Variants in MYO1F observed in about 807,000 individuals in gnomAD.
The protein encoded by MYO1F is myosin IF, also known as unconventional myosin-If.
In MYO1F, 60 loss-of-function variants were observed where a neutral mutation model predicts 146.6. That is an observed-to-expected ratio of 0.41 (90% CI 0.33 to 0.51). The LOEUF (loss-of-function observed/expected upper bound fraction) is 0.51, where lower values mean the gene tolerates loss of function less well. Ranked by LOEUF, MYO1F falls within the 20% of genes least tolerant of loss-of-function variation. The pLI, the probability that MYO1F is intolerant of heterozygous loss-of-function variation, is 0.25. For synonymous variants in MYO1F, 602 were observed against 602.1 expected (o/e 1.00, Z 0.00); for missense variants, 1,274 against 1,534.3 (o/e 0.83, Z 2.83).
intron 19 of MYO1F, among the ~76,000 whole-genome samples, chr19:8,534,867 C>T (rs1311772553): frequency 6.6e-6 from 1 of 151,366 alleles, no homozygotes; most frequent in African/African-American, 2.4e-5. Flanking sequence ...CCTCGTGATC[C>T]ACTCGCCTCG....
At chr19:8,545,367 G>T in intron 13 of MYO1F, 1 of 416,496 alleles carries the variant, frequency 2.4e-6, no homozygotes, top group Non-Finnish European at 4.6e-6. Context: ...GGGATTACAG[G>T]CGTGAGCCAC....
rs757436755 is a variant in MYO1F, at chr19:8,536,271, A to G, written c.2024T>C (p.Phe675Ser). The G allele has an allele frequency of 6.2e-7, 1 of 1,606,334 alleles. No homozygotes were observed. The highest frequency in any genetic ancestry group is 2.2e-5 in the East Asian group (1 of 44,810). Residue 675 changes from phenylalanine to serine, a missense_variant, in exon 19 of 28, where the codon TTT becomes TCT. By Grantham distance (155) the Phe-to-Ser change is radical (BLOSUM62 -2). Coordinates refer to ENST00000644032, the MANE Select transcript of MYO1F (RefSeq NM_012335.4). Reference protein sequence around the residue: ...DQYQMGSTKVFVKNPESLFLL... With the variant: ...DQYQMGSTKVSVKNPESLFLL... ...ACTCACCGACTCTGGGTTCTTGACA[A>G]AGACCTTGGTGCTCCCCATCTGGTA...
At position 8,522,780 on chromosome 19, in the gene MYO1F, G is replaced by A; in HGVS notation, c.2904C>T (p.Pro968=). 6.2e-7 allele frequency: 1 copy of A among 1,603,996 alleles called. No homozygotes were observed. Among genetic ancestry groups the A allele is most frequent in the Non-Finnish European group, 8.5e-7 (1 of 1,176,836 alleles). The change falls in exon 26 of 28, where the codon CCC becomes CCT. Residue 968 remains proline (P), a synonymous_variant. Coordinates refer to ENST00000644032, the MANE Select transcript of MYO1F (RefSeq NM_012335.4). ...VPPSARGGPL[P]LEIMSGGGTH... ...TGCCCCCTCCAGACATGATCTCCAG[G>A]GGCAGGGGGCCCCCTCTGGCAGAGG...
At position 8,539,996 on chromosome 19, in the gene MYO1F, A is replaced by C; in HGVS notation, c.1643T>G (p.Leu548Arg). 1 of 1,611,856 alleles carries C rather than the reference A, an allele frequency of 6.2e-7. No individual in the cohort carries two copies. The highest frequency in any genetic ancestry group is 8.5e-7 in the Non-Finnish European group (1 of 1,178,766). The change falls in exon 16 of 28, where the codon CTG becomes CGG. Residue 548 changes from leucine to arginine, a missense_variant. This residue lies in a region of MYO1F where 900 missense variants were observed against 1,155.1 expected (regional missense o/e 0.78). Transcript: ENST00000644032. ...AFLRMLFPEK[L>R]DGDKKGRPST... Reference sequence around the variant, plus strand: ...GGGGCGCCCCTTCTTGTCTCCATCCAGCTTCTCGGGGAAGAGCATCCGGAG... The same window carrying C: ...GGGGCGCCCCTTCTTGTCTCCATCCCGCTTCTCGGGGAAGAGCATCCGGAG...
chr19:8,555,749 G>A lies in MYO1F; in HGVS notation c.51C>T (p.Ser17=), dbSNP rs777677983. 13 of 1,613,924 alleles carry A rather than the reference G, an allele frequency of 8.1e-6. No individual in the cohort carries two copies. Among genetic ancestry groups the A allele is most frequent in the East Asian group, 2.2e-5 (1 of 44,888 alleles). ...GAAGAAGCACCATGTCATCCACGCCGCTCTGCTTCACGTTGTGGCTCTGCC... is the reference window on the plus strand; with the variant it reads ...GAAGAAGCACCATGTCATCCACGCCACTCTGCTTCACGTTGTGGCTCTGCC... ...FHWQSHNVKQ[S]GVDDMVLLPQ... Residue 17 remains serine, a synonymous_variant, in exon 2 of 28, where the codon AGC becomes AGT. Transcript: ENST00000644032.
Position 8,547,989 on chromosome 19 carries a change from C to G in MYO1F, c.1269+47G>C. On this transcript the variant is annotated intron_variant, in intron 12 of 27. Coordinates refer to ENST00000644032, the MANE Select transcript of MYO1F (RefSeq NM_012335.4). The stretch of plus-strand genomic sequence containing the variant: ...AAGGGATCCTCATGGTCCTTCCACC[C>G]CACCCCCACCCCAGGATCCCCCATC... 2 of 1,104,308 alleles carry G rather than the reference C, an allele frequency of 1.8e-6. 1 individual carries two copies. Among genetic ancestry groups the G allele is most frequent in the Non-Finnish European group, 2.8e-6 (2 of 722,590 alleles). The allele number at this position is 1,104,308 out of a possible 1,614,324, so 68.4% of individuals were successfully genotyped here.
At chr19:8,526,965 G>A (rs1416028902) in intron 22 of MYO1F, 30 bp from the exon 23 acceptor site, 1 of 1,611,984 alleles carries the variant, frequency 6.2e-7, no homozygotes, top group East Asian at 2.2e-5. Flanking sequence ...AGCGTCAGGT[G>A]GGACACAGGT....
chr19:8,571,788 G>A (rs1385914824), intron 1 of MYO1F, among the ~76,000 whole-genome samples: 4 of 151,964 alleles, frequency 2.6e-5, no homozygotes, highest in South Asian at 2.1e-4. Context: ...TAGTAGAGAC[G>A]GGGTTTCACC....
At chr19:8,554,416 T>C (rs2145925348) in intron 4 of MYO1F, 61 bp downstream of exon 4, 3 of 1,387,182 alleles carry the variant, frequency 2.2e-6, no homozygotes, top group Middle Eastern at 2.4e-4. Context: ...TCCCTGGGGG[T>C]GGTGATGTTT....
At chr19:8,558,175 T>C (rs952762035) in intron 1 of MYO1F, among the ~76,000 whole-genome samples, 13 of 151,554 alleles carry the variant, frequency 8.6e-5, no homozygotes, top group African/African-American at 2.9e-4. Context: ...TTTTCTTTTT[T>C]TCTTTTGAGT....
chr19:8,563,155 C>T (rs888354592), intron 1 of MYO1F, among the ~76,000 whole-genome samples: 1 of 151,798 alleles, frequency 6.6e-6, no homozygotes, highest in Non-Finnish European at 1.5e-5. Context: ...CCATGCCTGG[C>T]TAATTTTTTG....
At chr19:8,531,984 G>A (rs1400352590) in intron 19 of MYO1F, among the ~76,000 whole-genome samples, 1 of 152,088 alleles carries the variant, frequency 6.6e-6, no homozygotes, top group Non-Finnish European at 1.5e-5. Flanking sequence ...CGGGTGTGGT[G>A]GCGCATGCCT....
At chr19:8,553,717 C>G (rs922132536) in intron 4 of MYO1F, among the ~76,000 whole-genome samples, 2 of 151,892 alleles carry the variant, frequency 1.3e-5, no homozygotes, top group Non-Finnish European at 2.9e-5. Context: ...TACTAAAATA[C>G]AAAAATTAGC....
chr19:8,556,399 C>T (rs1222966899), intron 1 of MYO1F, among the ~76,000 whole-genome samples: 1 of 147,284 alleles, frequency 6.8e-6, no homozygotes, highest in Admixed American at 6.8e-5. Flanking sequence ...CCCAGCACTT[C>T]GGGAGGTTGA....
At chr19:8,545,574 G>A in intron 13 of MYO1F, 76 bp downstream of exon 13, 1 of 1,226,776 alleles carries the variant, frequency 8.2e-7, no homozygotes, top group Non-Finnish European at 1.2e-6. Context: ...TAACACCCTT[G>A]GCCCTCCCCC....
chr19:8,542,487 G>C (rs1364589988), intron 14 of MYO1F, among the ~76,000 whole-genome samples: 2 of 151,890 alleles, frequency 1.3e-5, no homozygotes, highest in Non-Finnish European at 2.9e-5. Flanking sequence ...TTTCAGCCAG[G>C]GTTGGGGGCT....
intron 12 of MYO1F, among the ~76,000 whole-genome samples, chr19:8,547,299 T>G (rs985663115): frequency 3.3e-5 from 1 of 30,178 alleles, no homozygotes; most frequent in Non-Finnish European, 6.1e-5. Context: ...AGTTCCTGTC[T>G]CAAAAAAAAA....
intron 2 of MYO1F, chr19:8,555,404 A>AG: frequency 2.5e-6 from 1 of 392,158 alleles, no homozygotes. Flanking sequence ...AAAAAAAAAA[A>AG]AAGAACAAAC....
intron 4 of MYO1F, 21 bp from the exon 5 acceptor site, chr19:8,553,458 A>G (rs1164360545): frequency 1.9e-6 from 3 of 1,604,830 alleles, no homozygotes; most frequent in Non-Finnish European, 2.6e-6. Context: ...ATGGAGGAAT[A>G]AATGATCAGT....
Sources: allele counts gnomAD v4.1 joint callset (sites outside exome capture counted in the v4.1 genomes callset), GRCh38; gene constraint gnomAD v4.1.1; regional missense constraint gnomAD v4.1.1; transcripts MANE v1.5; gene names NCBI Gene and HGNC (gene_info 2026-07-23, HGNC 2026-07-21).